CD4: variants seen among roughly 807,000 people sequenced by gnomAD.
The protein encoded by CD4 is T-cell surface glycoprotein CD4.
CD4 carries 25 observed loss-of-function variants against 50.5 expected under a neutral mutation model. The observed-to-expected ratio is 0.49, with a 90% CI of 0.36 to 0.69. CD4 has a LOEUF of 0.69. Ranked by LOEUF, CD4 falls within the 30% of genes least tolerant of loss-of-function variation. The probability of loss-of-function intolerance (pLI) is 0.00; values close to 1 mark genes in which losing one functional copy is unlikely to be tolerated. For synonymous variants in CD4, 207 were observed against 221.9 expected, an observed-to-expected ratio of 0.93 and a Z score of 0.60; for missense variants, 456 against 548.5, an observed-to-expected ratio of 0.83 and a Z score of 1.68.
At chr12:6,798,035 G>C (rs937986388) in intron 1 of CD4, among the ~76,000 whole-genome samples, 3 of 152,154 alleles carry the variant, frequency 2.0e-5, no homozygotes, top group African/African-American at 2.4e-5. Context: ...CTGTCTCAGT[G>C]GGGGGAAACC....
At chr12:6,802,108 A>G (rs1314732519) in intron 3 of CD4, among the ~76,000 whole-genome samples, 3 of 148,672 alleles carry the variant, frequency 2.0e-5, no homozygotes, top group Non-Finnish European at 4.5e-5. Context: ...TCCTGACCTC[A>G]AGTGATTCTC....
rs200982580 is a variant in CD4, at chr12:6,818,378, G to A, written c.1157-43G>A. On this transcript the variant is annotated intron_variant, in intron 7 of 9. Coordinates refer to ENST00000011653, the MANE Select transcript of CD4 (RefSeq NM_000616.5). The surrounding 1 kb of genome is among the most constrained non-coding windows in gnomAD (Gnocchi z 5.0). ...AGGGCAGTCCTCAGTCCCCTGGCCC[G>A]TGGAGGAGGGCGGTGCATTGAGCAC... The A allele has an allele frequency of 1.3e-5, 20 of 1,599,902 alleles. No homozygotes were observed. In the East Asian group the frequency reaches 2.9e-4, roughly 23 times the overall value.
intron 1 of CD4, among the ~76,000 whole-genome samples, chr12:6,790,339 T>C (rs1942119600): frequency 6.6e-6 from 1 of 152,216 alleles, no homozygotes; most frequent in Admixed American, 6.5e-5. Flanking sequence ...TAAATTTTTG[T>C]CTGCTTCTTT....
intron 1 of CD4, among the ~76,000 whole-genome samples, chr12:6,790,020 G>A (rs28989524): frequency 1.3e-5 from 2 of 152,144 alleles, no homozygotes; most frequent in South Asian, 2.1e-4. Flanking sequence ...GCAGTTGAGG[G>A]GAGAAGACTG....
rs1435280573 is a variant in CD4, at chr12:6,792,799, G to A, written c.-68+3137G>A. Among the ~76,000 whole-genome samples, 1 of 152,160 alleles carries A rather than the reference G, an allele frequency of 6.6e-6. No individual in the cohort carries two copies. The highest frequency in any genetic ancestry group is 1.5e-5 in the Non-Finnish European group (1 of 68,030). On this transcript the variant is annotated intron_variant, in intron 1 of 9. Coordinates refer to ENST00000011653, the MANE Select transcript of CD4 (RefSeq NM_000616.5). The surrounding 1 kb of genome is among the most constrained non-coding windows in gnomAD (Gnocchi z 4.1). ...AAGCTGAAAAAGGAGAAGAGGCAAG[G>A]GGCATTCCAGGGGAGCCCGGGAGAG...
At chr12:6,814,665 C>T (rs11575098) in intron 4 of CD4, 94 bp from the exon 5 acceptor site, 65,146 of 954,548 alleles carry the variant, frequency 0.068, 4,712 homozygotes, top group African/African-American at 0.28. Context: ...GATGTTGGGA[C>T]GGCGATAATG....
intron 1 of CD4, among the ~76,000 whole-genome samples, chr12:6,798,404 C>T (rs1304725466): frequency 1.1e-5 from 1 of 90,390 alleles, no homozygotes; most frequent in Non-Finnish European, 2.8e-5. Context: ...GATCTCCTGA[C>T]CTCATGATCC....
chr12:6,808,079 CAA>C (rs34876182), intron 3 of CD4, among the ~76,000 whole-genome samples: 354 of 70,142 alleles, frequency 5.0e-3, no homozygotes, highest in African/African-American at 0.012. Context: ...GGCTCTTTCT[CAA>C]AAAAAAAAAA....
At position 6,792,225 on chromosome 12, in the gene CD4, G is replaced by A. The variant is rs1942182575; in HGVS notation, c.-68+2563G>A. On this transcript the variant is annotated intron_variant, in intron 1 of 9. Coordinates refer to ENST00000011653, the MANE Select transcript of CD4 (RefSeq NM_000616.5). This position sits in a 1 kb window ranked among gnomAD's most constrained non-coding sequence, Gnocchi z 4.1. The stretch of plus-strand genomic sequence containing the variant: ...AGTGCCTGTGGGACCACAGACTCTC[G>A]CTGTGGTGGAGCTGGGCCCTCTTAC... Among the ~76,000 whole-genome samples the A allele has an allele frequency of 2.0e-5, 3 of 152,070 alleles. No individual in the cohort carries two copies. The highest frequency in any genetic ancestry group is 4.8e-5 in the African/African-American group (2 of 41,402).
rs1459453203 is a variant in CD4, at chr12:6,818,006, T to C, written c.1157-415T>C. ...CACACGCGCGCGCACATGCATGCAG[T>C]CACGCACACACATTCATACACGCAC... is the stretch of plus-strand genomic sequence containing the variant. On this transcript the variant is annotated intron_variant, in intron 7 of 9. Transcript: ENST00000011653. The surrounding 1 kb of genome is among the most constrained non-coding windows in gnomAD (Gnocchi z 5.0). 1.3e-5 allele frequency among the ~76,000 whole-genome samples: 2 copies of C among 149,492 alleles called. No individual in the cohort carries two copies. The highest frequency in any genetic ancestry group is 5.0e-5 in the African/African-American group (2 of 40,378).
chr12:6,800,451 A>G lies in CD4; in HGVS notation c.194A>G (p.Gln65Arg), dbSNP rs201991979. 3.7e-6 allele frequency: 6 copies of G among 1,613,640 alleles called. No individual in the cohort carries two copies. The African/African-American group carries it at 8.0e-5, about 22-fold the overall frequency. Residue 65 changes from glutamine (Q) to arginine (R), a missense_variant, in exon 3 of 10, where the codon CAG (glutamine) becomes CGG (arginine). Physicochemically the swap from Gln to Arg is conservative, Grantham distance 43. Coordinates refer to ENST00000011653, the MANE Select transcript of CD4 (RefSeq NM_000616.5). Reference protein sequence around the residue: ...NSNQIKILGNQGSFLTKGPSK... With the variant: ...NSNQIKILGNRGSFLTKGPSK... ...AACCAGATAAAGATTCTGGGAAATC[A>G]GGGCTCCTTCTTAACTAAAGGTAGG...
At chr12:6,794,309 C>T (rs1942295852) in intron 1 of CD4, among the ~76,000 whole-genome samples, 2 of 151,786 alleles carry the variant, frequency 1.3e-5, no homozygotes, top group African/African-American at 2.4e-5. Flanking sequence ...TAAAGTGATC[C>T]ACCCACCTTG....
intron 3 of CD4, among the ~76,000 whole-genome samples, chr12:6,809,888 C>CTG (rs1942885614): frequency 9.2e-6 from 1 of 108,820 alleles, no homozygotes; most frequent in South Asian, 3.4e-4. Flanking sequence ...TTGCCTATAC[C>CTG]TCTTTTTTTT....
At position 6,818,389 on chromosome 12, in the gene CD4, C is replaced by T. The variant is rs781786663; in HGVS notation, c.1157-32C>T. ...CAGTCCCCTGGCCCGTGGAGGAGGG[C>T]GGTGCATTGAGCACATTTCTCTCCC... On this transcript the variant is annotated intron_variant, in intron 7 of 9. Coordinates refer to ENST00000011653, the MANE Select transcript of CD4 (RefSeq NM_000616.5). This position sits in a 1 kb window ranked among gnomAD's most constrained non-coding sequence, Gnocchi z 5.0. The T allele has an allele frequency of 1.1e-5, 18 of 1,609,696 alleles. No individual in the cohort carries two copies. The highest frequency in any genetic ancestry group is 3.3e-5 in the South Asian group (3 of 91,028).
intron 4 of CD4, 151 bp from the exon 5 acceptor site, chr12:6,814,608 A>C: frequency 1.3e-6 from 1 of 744,844 alleles, no homozygotes; most frequent in South Asian, 1.4e-5. Context: ...GGGAGAGGGA[A>C]ACCCTATCTT....
At chr12:6,817,431 G>GAATCCAACATCAAGGGTAAGGACCCA in intron 7 of CD4, 101 bp downstream of exon 7, 1 of 987,976 alleles carries the variant, frequency 1.0e-6, no homozygotes, top group Non-Finnish European at 1.5e-6. Context: ...GCCTGAGTTG[G>GAATCCAACATCAAGGGTAAGGACCCA]GGGGTTATGG....
At chr12:6,805,428 T>C (rs1429968688) in intron 3 of CD4, among the ~76,000 whole-genome samples, 3 of 151,248 alleles carry the variant, frequency 2.0e-5, no homozygotes, top group Non-Finnish European at 4.4e-5. Flanking sequence ...GCAGGTGTTG[T>C]GGCGCATGCC....
intron 3 of CD4, among the ~76,000 whole-genome samples, chr12:6,811,303 C>T (rs782231271): frequency 6.6e-6 from 1 of 152,254 alleles, no homozygotes; most frequent in South Asian, 2.1e-4. Flanking sequence ...GCTTCCACTG[C>T]ACCCAGAAAA....
chr12:6,803,698 T>C lies in CD4; in HGVS notation c.214+3227T>C, dbSNP rs995170964. Among the ~76,000 whole-genome samples, 27 of 151,558 alleles carry C rather than the reference T, an allele frequency of 1.8e-4. No individual in the cohort carries two copies. In the East Asian group the frequency reaches 4.3e-3, roughly 24 times the overall value. On this transcript the variant is annotated intron_variant, in intron 3 of 9. Coordinates refer to ENST00000011653, the MANE Select transcript of CD4 (RefSeq NM_000616.5). The stretch of plus-strand genomic sequence containing the variant: ...TATCCAGGAGGCTGAGGCAGGAGAA[T>C]TGCGTGAACCCAGGAGGCGGAGGTC...
Sources: allele counts gnomAD v4.1 joint callset (sites outside exome capture counted in the v4.1 genomes callset), GRCh38; gene constraint gnomAD v4.1.1; non-coding constraint Gnocchi (gnomAD v3.1); transcripts MANE v1.5; gene names NCBI Gene and HGNC (gene_info 2026-07-23, HGNC 2026-07-21).